The following USH2A variants were observed in gnomAD, a reference collection of about 807,000 sequenced individuals.
The protein encoded by USH2A is Usher syndrome 2A (autosomal recessive, mild).
In USH2A, 443 loss-of-function variants were observed where a neutral mutation model predicts 538.9. That is an observed-to-expected ratio of 0.82 (90% CI 0.76 to 0.89). USH2A has a LOEUF of 0.89. USH2A is among the 40% of genes least tolerant of loss of function. The pLI is 0.00. For missense variants in USH2A, 6,633 were observed against 6,324.8 expected, an observed-to-expected ratio of 1.05 and a Z score of -1.65; for synonymous variants, 2,413 against 2,273.5, an observed-to-expected ratio of 1.06 and a Z score of -1.75.
At chr1:216,128,969 T>A (rs1430446411) in intron 21 of USH2A, among the ~76,000 whole-genome samples, 1 of 152,046 alleles carries the variant, frequency 6.6e-6, no homozygotes, top group African/African-American at 2.4e-5. Flanking sequence ...TGAGATCAAT[T>A]TTTTTAGTTC....
intron 62 of USH2A, among the ~76,000 whole-genome samples, chr1:215,676,621 A>G (rs1658036093): frequency 1.3e-5 from 2 of 152,266 alleles, no homozygotes; most frequent in East Asian, 1.9e-4. Flanking sequence ...CTAAGATTAC[A>G]CAGCCTAGAA....
chr1:215,812,405 G>A (rs1211008885), intron 49 of USH2A, among the ~76,000 whole-genome samples: 2 of 152,074 alleles, frequency 1.3e-5, no homozygotes, highest in Non-Finnish European at 2.9e-5. Context: ...TGGTAAATTG[G>A]CTCTATCTGT....
At position 215,878,917 on chromosome 1, in the gene USH2A, T is replaced by C. The variant is rs764812165; in HGVS notation, c.8405A>G (p.Tyr2802Cys). 149 of 1,613,908 alleles carry C rather than the reference T, an allele frequency of 9.2e-5. No homozygotes were observed. The highest frequency in any genetic ancestry group is 1.2e-4 in the Non-Finnish European group (144 of 1,179,972). The change falls in exon 42 of 72, where the codon TAC becomes TGC. Residue 2802 changes from tyrosine (Y) to cysteine (C), a missense_variant. Physicochemically the swap from Tyr to Cys is radical, Grantham distance 194. Transcript: ENST00000307340. The stretch of plus-strand genomic sequence containing the variant: ...TAAACTCTCTGTGCACCCTCCAAGG[T>C]ACCCATTACCCCCTGAGCAAGCAAC... The part of the protein sequence containing the change: ...TIVACSGGNG[Y>C]LGGCTESLPT...
rs532290579 is a variant in USH2A, at chr1:216,128,839, T to C, written c.4628-31626A>G. ...CACTATTTTGTTACCAAACATTAGA[T>C]CCTATTCCTTCTATCTAATTGTACT... On this transcript the variant is annotated intron_variant, in intron 21 of 71. Transcript: ENST00000307340. 2.0e-5 allele frequency among the ~76,000 whole-genome samples: 3 copies of C among 152,156 alleles called. No homozygotes were observed. In the South Asian group the frequency reaches 6.2e-4, roughly 32 times the overall value.
In USH2A at chr1:216,175,281, G is replaced by C; in HGVS notation, c.4598C>G (p.Ser1533Cys). ...GAAGTCTGTATTGACTGGGTGAGTG[G>C]AGCTGGGAAATTTACAATACCCATT... ...IGNGYCKFPS[S>C]THPVNTDFTG... Residue 1533 changes from serine to cysteine, a missense_variant, in exon 21 of 72, where the codon TCC becomes TGC. Ser to Cys is a moderately radical substitution (Grantham distance 112, BLOSUM62 -1). Coordinates refer to ENST00000307340, the MANE Select transcript of USH2A (RefSeq NM_206933.4). 6.2e-7 allele frequency: 1 copy of C among 1,613,710 alleles called. No individual in the cohort carries two copies. The highest frequency in any genetic ancestry group is 8.5e-7 in the Non-Finnish European group (1 of 1,179,846).
intron 44 of USH2A, among the ~76,000 whole-genome samples, chr1:215,847,352 A>G (rs1663877773): frequency 1.3e-5 from 2 of 152,176 alleles, no homozygotes; most frequent in South Asian, 4.1e-4. Flanking sequence ...ATGTCAAATT[A>G]TGCATCAAAA....
At chr1:216,113,542 C>G (rs1020734146) in intron 21 of USH2A, among the ~76,000 whole-genome samples, 1 of 152,102 alleles carries the variant, frequency 6.6e-6, no homozygotes, top group Non-Finnish European at 1.5e-5. Context: ...TTTGTATTTA[C>G]AAGATGAATA....
At chr1:216,014,367 A>G (rs1668655059) in intron 32 of USH2A, among the ~76,000 whole-genome samples, 1 of 152,234 alleles carries the variant, frequency 6.6e-6, no homozygotes, top group South Asian at 2.1e-4. Flanking sequence ...GAGTGAAGCC[A>G]TAAACAAAGC....
chr1:216,234,850 A>T (rs2035774928), intron 13 of USH2A, among the ~76,000 whole-genome samples: 1 of 152,088 alleles, frequency 6.6e-6, no homozygotes, highest in Admixed American at 6.6e-5. Flanking sequence ...AGAATGTCAC[A>T]GAAAAATCAG....
In USH2A at chr1:215,648,565, A is replaced by G. The variant is rs1191982596; in HGVS notation, c.14545T>C (p.Trp4849Arg). 6 of 1,614,178 alleles carry G rather than the reference A, an allele frequency of 3.7e-6. No homozygotes were observed. The highest frequency in any genetic ancestry group is 5.1e-6 in the Non-Finnish European group (6 of 1,180,022). The change falls in exon 66 of 72, where the codon TGG (tryptophan) becomes CGG (arginine). Residue 4849 changes from tryptophan to arginine, a missense_variant. Trp to Arg is a moderately radical substitution (Grantham distance 101, BLOSUM62 -3). Transcript: ENST00000307340. ...CCATTGGGGAACATGGGGGGACTCCACCGGAAGGAGGCCGTCCTTGAGGCC... is the reference window on the plus strand; with the variant it reads ...CCATTGGGGAACATGGGGGGACTCCGCCGGAAGGAGGCCGTCCTTGAGGCC... ...TLASRTASFR[W>R]SPPMFPNGVI...
intron 44 of USH2A, among the ~76,000 whole-genome samples, chr1:215,853,197 T>C (rs532980427): frequency 6.8e-4 from 104 of 152,342 alleles, no homozygotes; most frequent in African/African-American, 2.5e-3. Flanking sequence ...TCTTGACTTC[T>C]GTGCACTGGT....
intron 30 of USH2A, among the ~76,000 whole-genome samples, chr1:216,059,139 C>A (rs1265111648): frequency 6.6e-6 from 1 of 152,014 alleles, no homozygotes; most frequent in Non-Finnish European, 1.5e-5. Flanking sequence ...AGAGAGAGAG[C>A]ATATTTATAT....
chr1:216,226,740 C>A (rs1572068084), intron 14 of USH2A, among the ~76,000 whole-genome samples: 1 of 152,158 alleles, frequency 6.6e-6, no homozygotes, highest in East Asian at 1.9e-4. Context: ...TACACAGGCC[C>A]CTTTATCTTC....
intron 55 of USH2A, among the ~76,000 whole-genome samples, chr1:215,775,002 G>A (rs1453248755): frequency 6.6e-6 from 1 of 151,386 alleles, no homozygotes; most frequent in African/African-American, 2.4e-5. Context: ...TATTTTCACA[G>A]GTCCCCAGTG....
At chr1:215,900,268 A>G (rs1408705657) in intron 39 of USH2A, 51 bp from the exon 40 acceptor site, 18 of 1,600,364 alleles carry the variant, frequency 1.1e-5, no homozygotes, top group Non-Finnish European at 1.5e-5. Context: ...TCAAAGAAAT[A>G]AAAGCAAGTA....
intron 61 of USH2A, among the ~76,000 whole-genome samples, chr1:215,691,957 G>A (rs568731642): frequency 3.0e-4 from 45 of 152,256 alleles, no homozygotes; most frequent in Non-Finnish European, 5.0e-4. Context: ...GCAGATGCAG[G>A]ATGAGGCTGA....
intron 44 of USH2A, among the ~76,000 whole-genome samples, chr1:215,860,569 A>C (rs1240795783): frequency 6.6e-6 from 1 of 152,220 alleles, no homozygotes; most frequent in Non-Finnish European, 1.5e-5. Flanking sequence ...TGTCCAAAAT[A>C]AAGTTTTATT....
intron 55 of USH2A, among the ~76,000 whole-genome samples, chr1:215,773,401 A>G (rs989730733): frequency 1.6e-4 from 24 of 152,014 alleles, no homozygotes; most frequent in African/African-American, 5.3e-4. Flanking sequence ...TGTGAGCCCT[A>G]TATAAATCAG....
intron 35 of USH2A, among the ~76,000 whole-genome samples, chr1:215,990,473 G>T (rs372082691): frequency 9.2e-5 from 14 of 152,292 alleles, no homozygotes; most frequent in African/African-American, 3.1e-4. Context: ...AGAACATTGT[G>T]TTAGGCTCTG....
Sources: gnomAD v4.1 joint callset for allele counts (sites outside exome capture counted in the v4.1 genomes callset) on GRCh38, gnomAD v4.1.1 for gene constraint, MANE v1.5 for transcripts, NCBI Gene and HGNC (gene_info 2026-07-23, HGNC 2026-07-21) for gene names.